The following RAB38 variants were observed in gnomAD, a reference collection of about 807,000 sequenced individuals.
RAB38 encodes RAB38, member RAS oncogene family.
Under a neutral mutation model 18.4 loss-of-function variants are expected in RAB38, and 15 were observed. The observed-to-expected ratio is 0.82, with a 90% CI of 0.55 to 1.26. The LOEUF (loss-of-function observed/expected upper bound fraction) is 1.26, where lower values mean the gene tolerates loss of function less well. Ranked by LOEUF, RAB38 falls within the 50% of genes most tolerant of loss-of-function variation. RAB38 has a pLI of 0.00. For synonymous variants in RAB38, 101 were observed against 104.4 expected, an observed-to-expected ratio of 0.97 and a Z score of 0.20; for missense variants, 294 against 267.4, an observed-to-expected ratio of 1.10 and a Z score of -0.69.
chr11:88,174,835 G>A (rs750256415), intron 1 of RAB38, among the ~76,000 whole-genome samples: 4 of 152,206 alleles, frequency 2.6e-5, no homozygotes, highest in Non-Finnish European at 5.9e-5. Context: ...GTGACACTGG[G>A]CTGCGTCATT....
At chr11:87,970,395 G>T in the RAB38 span, among the ~76,000 whole-genome samples, 1 of 151,826 alleles carries the variant, frequency 6.6e-6, no homozygotes, top group Non-Finnish European at 1.5e-5. Flanking sequence ...TGTTCTTCAA[G>T]GAGTGTTTTG....
At chr11:88,096,527 A>C in the RAB38 span, among the ~76,000 whole-genome samples, 2 of 151,938 alleles carry the variant, frequency 1.3e-5, no homozygotes, top group Non-Finnish European at 2.9e-5. Flanking sequence ...ATGGTCACGT[A>C]GACCAGTGAA....
the RAB38 span, among the ~76,000 whole-genome samples, chr11:88,009,057 A>G: frequency 6.6e-6 from 1 of 152,222 alleles, no homozygotes; most frequent in Non-Finnish European, 1.5e-5. Context: ...CCAGGCCAAG[A>G]CATATCATCA....
chr11:87,975,433 A>T, the RAB38 span, among the ~76,000 whole-genome samples: 2 of 152,062 alleles, frequency 1.3e-5, no homozygotes, highest in South Asian at 4.1e-4. Context: ...TACTACGAGA[A>T]ATAAGGAAAA....
the RAB38 span, among the ~76,000 whole-genome samples, chr11:87,898,674 C>T: frequency 1.3e-5 from 2 of 151,516 alleles, no homozygotes; most frequent in Non-Finnish European, 3.0e-5. Context: ...TTGTCAGAAT[C>T]TCAATGCTTA....
the RAB38 span, among the ~76,000 whole-genome samples, chr11:87,934,667 G>T: frequency 6.6e-6 from 1 of 152,052 alleles, no homozygotes; most frequent in African/African-American, 2.4e-5. Context: ...CCTACCACTT[G>T]TCTCCATCTG....
the RAB38 span, among the ~76,000 whole-genome samples, chr11:87,977,977 A>G: frequency 1.8e-5 from 2 of 111,976 alleles, no homozygotes; most frequent in Non-Finnish European, 3.3e-5. Context: ...TATATTATAT[A>G]AATACATATC....
At chr11:87,957,012 G>T in the RAB38 span, among the ~76,000 whole-genome samples, 6 of 151,188 alleles carry the variant, frequency 4.0e-5, no homozygotes, top group South Asian at 2.1e-4. Context: ...CCTCATTTCC[G>T]AACGCTCTCA....
At chr11:87,843,098 T>C in the RAB38 span, among the ~76,000 whole-genome samples, 1 of 152,174 alleles carries the variant, frequency 6.6e-6, no homozygotes, top group African/African-American at 2.4e-5. Flanking sequence ...TAGACAGTTC[T>C]TTGGGCCCTG....
chr11:87,836,539 A>G, the RAB38 span, among the ~76,000 whole-genome samples: 17 of 152,042 alleles, frequency 1.1e-4, 1 homozygote, highest in Middle Eastern at 0.01. Flanking sequence ...TCTCTCCCCA[A>G]AGTTACCACC....
chr11:88,025,490 T>A, the RAB38 span, among the ~76,000 whole-genome samples: 1 of 152,188 alleles, frequency 6.6e-6, no homozygotes, highest in Non-Finnish European at 1.5e-5. Flanking sequence ...TCATTTATAT[T>A]TTCACCAACA....
At chr11:88,004,213 T>G in the RAB38 span, among the ~76,000 whole-genome samples, 1 of 150,352 alleles carries the variant, frequency 6.7e-6, no homozygotes, top group South Asian at 2.1e-4. Context: ...ACATACATTC[T>G]TCGTGAATAC....
chr11:87,976,647 T>C, the RAB38 span, among the ~76,000 whole-genome samples: 660 of 107,546 alleles, frequency 6.1e-3, 8 homozygotes, highest in African/African-American at 0.023. Flanking sequence ...TTTTATATGA[T>C]ATATAAATAT....
At chr11:88,009,562 A>G in the RAB38 span, among the ~76,000 whole-genome samples, 4 of 152,216 alleles carry the variant, frequency 2.6e-5, 1 homozygote, top group Non-Finnish European at 5.9e-5. Context: ...AGAGGATTCC[A>G]GAAGGAGTTA....
the RAB38 span, among the ~76,000 whole-genome samples, chr11:87,976,716 TTCTA>T: frequency 1.8e-5 from 2 of 109,742 alleles, no homozygotes; most frequent in Non-Finnish European, 3.5e-5. Flanking sequence ...ATATTTATAT[TTCTA>T]TATATTTTAT....
intron 1 of RAB38, among the ~76,000 whole-genome samples, chr11:88,169,245 C>T (rs556635539): frequency 1.2e-4 from 18 of 152,252 alleles, no homozygotes; most frequent in African/African-American, 4.3e-4. Flanking sequence ...ACTAGAAAGT[C>T]CACTGAATGT....
the RAB38 span, among the ~76,000 whole-genome samples, chr11:87,886,148 T>TA: frequency 5.9e-5 from 9 of 152,092 alleles, no homozygotes; most frequent in East Asian, 1.4e-3. Flanking sequence ...CTCCCAGATC[T>TA]AAGGGCCTTT....
the RAB38 span, among the ~76,000 whole-genome samples, chr11:87,952,625 A>C: frequency 2.0e-5 from 3 of 152,282 alleles, no homozygotes; most frequent in South Asian, 6.2e-4. Context: ...CCAACATCAC[A>C]GTATTGTAAT....
intron 1 of RAB38, among the ~76,000 whole-genome samples, chr11:88,170,735 T>C (rs1011042008): frequency 6.6e-5 from 10 of 152,100 alleles, no homozygotes; most frequent in African/African-American, 1.7e-4. Flanking sequence ...GTAGATCTTA[T>C]TTTAAGTATT....
Sources: gnomAD v4.1 joint callset for allele counts (sites outside exome capture counted in the v4.1 genomes callset) on GRCh38, gnomAD v4.1.1 for gene constraint, MANE v1.5 for transcripts, NCBI Gene and HGNC (gene_info 2026-07-23, HGNC 2026-07-21) for gene names.